The following ANKRD17 variants were observed in gnomAD, a reference collection of about 807,000 sequenced individuals.
ANKRD17 encodes ankyrin repeat domain-containing protein 17.
In ANKRD17, 19 loss-of-function variants were observed where a neutral mutation model predicts 229.7. The observed-to-expected ratio is 0.08, with a 90% CI of 0.06 to 0.12. ANKRD17 has a LOEUF of 0.12. ANKRD17 is among the 10% of genes least tolerant of loss of function. ANKRD17 has a pLI of 1.00. For missense variants in ANKRD17, 2,176 were observed against 3,176.8 expected, an observed-to-expected ratio of 0.68 and a Z score of 7.57; for synonymous variants, 1,112 against 1,146.1, an observed-to-expected ratio of 0.97 and a Z score of 0.60.
In ANKRD17 at chr4:73,092,181, G is replaced by A; in HGVS notation, c.5447C>T (p.Ser1816Phe). ...KNRLKSSSAN[S>F]KIGSSAPTTT... ...GGTAGGTGCTGATGACCCTATTTTGGAATTTGCTGAGGAGCTTTTCAAACG... is the reference window on the plus strand; with the variant it reads ...GGTAGGTGCTGATGACCCTATTTTGAAATTTGCTGAGGAGCTTTTCAAACG... Residue 1816 changes from serine to phenylalanine, a missense_variant, in exon 29 of 34, where the codon TCC (serine) becomes TTC (phenylalanine). Physicochemically the swap from Ser to Phe is radical, Grantham distance 155. Around this residue, in one of 18 missense-constraint regions of ANKRD17, gnomAD observed 142 missense variants for 200.4 expected, o/e 0.71. Coordinates refer to ENST00000358602, the MANE Select transcript of ANKRD17 (RefSeq NM_032217.5). 1 of 1,614,120 alleles carries A rather than the reference G, an allele frequency of 6.2e-7. No homozygotes were observed. The highest frequency in any genetic ancestry group is 8.5e-7 in the Non-Finnish European group (1 of 1,180,016).
chr4:73,109,277 G>A (rs1462910403), intron 24 of ANKRD17, among the ~76,000 whole-genome samples: 2 of 150,374 alleles, frequency 1.3e-5, no homozygotes, highest in Non-Finnish European at 3.0e-5. Context: ...TGCAGCATGG[G>A]TGACAGAGTG....
intron 1 of ANKRD17, among the ~76,000 whole-genome samples, chr4:73,256,695 A>C (rs905951383): frequency 6.6e-6 from 1 of 152,194 alleles, no homozygotes; most frequent in African/African-American, 2.4e-5. Context: ...AAGTACCATA[A>C]CAAATTTTAT....
chr4:73,156,317 C>A, intron 3 of ANKRD17, 151 bp from the exon 4 acceptor site: 1 of 919,798 alleles, frequency 1.1e-6, no homozygotes, highest in Non-Finnish European at 1.6e-6. Context: ...GCAATCAGCT[C>A]ACTGCAGCCT....
At chr4:73,214,562 C>T (rs1288992436) in intron 1 of ANKRD17, among the ~76,000 whole-genome samples, 5 of 151,704 alleles carry the variant, frequency 3.3e-5, no homozygotes, top group Admixed American at 6.6e-5. Flanking sequence ...TTCTTAACAT[C>T]GATCAAGGCC....
chr4:73,144,711 T>G (rs757291271), intron 11 of ANKRD17, 34 bp downstream of exon 11: 1 of 1,467,504 alleles, frequency 6.8e-7, no homozygotes, highest in Non-Finnish European at 9.2e-7. Context: ...GTAGATACCT[T>G]TCAAAAAAAG....
In ANKRD17 at chr4:73,154,973, G is replaced by A. The variant is rs1018812079; in HGVS notation, c.1000+658C>T. Among the ~76,000 whole-genome samples, 19 of 151,234 alleles carry A rather than the reference G, an allele frequency of 1.3e-4. No homozygotes were observed. The East Asian group carries it at 1.6e-3, about 12-fold the overall frequency. On this transcript the variant is annotated intron_variant, in intron 5 of 33. Transcript: ENST00000358602. The stretch of plus-strand genomic sequence containing the variant: ...GGAGAATGGCGTGAACCCGGGAGGC[G>A]GAGCTTGCAGTGAGCCGAGATCCCG...
At chr4:73,133,753 G>A (rs917525903) in intron 16 of ANKRD17, among the ~76,000 whole-genome samples, 3 of 151,916 alleles carry the variant, frequency 2.0e-5, no homozygotes, top group African/African-American at 7.3e-5. Flanking sequence ...TTTGGGGGAT[G>A]GTGGCACACC....
intron 1 of ANKRD17, among the ~76,000 whole-genome samples, chr4:73,181,448 G>A (rs1735528726): frequency 6.6e-6 from 1 of 152,078 alleles, no homozygotes; most frequent in Admixed American, 6.5e-5. Flanking sequence ...TTTAATTCCA[G>A]TTCCTCTTTT....
chr4:73,138,248 C>T (rs1010214955), intron 15 of ANKRD17, among the ~76,000 whole-genome samples: 1 of 152,014 alleles, frequency 6.6e-6, no homozygotes, highest in Non-Finnish European at 1.5e-5. Context: ...AAAAATTTTG[C>T]ACTCATCAAT....
At position 73,120,968 on chromosome 4, in the gene ANKRD17, A is replaced by G; in HGVS notation, c.3762T>C (p.Thr1254=). The G allele has an allele frequency of 6.2e-7, 1 of 1,613,782 alleles. No homozygotes were observed. The highest frequency in any genetic ancestry group is 1.1e-5 in the South Asian group (1 of 91,056). The change falls in exon 20 of 34, where the codon ACT becomes ACC. Residue 1254 remains threonine, a synonymous_variant. Coordinates refer to ENST00000358602, the MANE Select transcript of ANKRD17 (RefSeq NM_032217.5). ...CTTGGAAGCAGGCTAAAGTAAGGGC[A>G]GTGTTCCGATTGGTTTCTATCTGAG... ...INAQIETNRN[T]ALTLACFQGR...
At chr4:73,206,583 C>A (rs1450226339) in intron 1 of ANKRD17, among the ~76,000 whole-genome samples, 1 of 152,082 alleles carries the variant, frequency 6.6e-6, no homozygotes, top group Non-Finnish European at 1.5e-5. Context: ...AATGCAAGCA[C>A]TGCATGATGT....
At chr4:73,156,884 C>A (rs934536442) in intron 3 of ANKRD17, among the ~76,000 whole-genome samples, 1 of 152,012 alleles carries the variant, frequency 6.6e-6, no homozygotes, top group African/African-American at 2.4e-5. Flanking sequence ...AACATTAGTG[C>A]TCAACAAGGA....
rs574606098 is a variant in ANKRD17, at chr4:73,118,855, A to G, written c.4026-5T>C. 1.2e-6 allele frequency: 2 copies of G among 1,609,798 alleles called. No individual in the cohort carries two copies. Among genetic ancestry groups the G allele is most frequent in the Admixed American group, 3.4e-5 (2 of 59,198 alleles). ...CGTACATCAATATGAGCTCCCCTAA[A>G]AACCAATGACACAGATAGCATTGTC... On this transcript the variant is annotated splice_polypyrimidine_tract_variant and splice_region_variant and intron_variant, in intron 21 of 33. Coordinates refer to ENST00000358602, the MANE Select transcript of ANKRD17 (RefSeq NM_032217.5).
intron 2 of ANKRD17, among the ~76,000 whole-genome samples, chr4:73,167,909 T>C (rs1733442064): frequency 6.6e-6 from 1 of 152,050 alleles, no homozygotes; most frequent in South Asian, 2.1e-4. Flanking sequence ...TCCCAGCACT[T>C]TGGGAGGCTG....
chr4:73,089,045 A>AT (rs200390909), intron 29 of ANKRD17, among the ~76,000 whole-genome samples: 2,921 of 143,630 alleles, frequency 0.02, 56 homozygotes, highest in South Asian at 0.047. Context: ...TTCTTTTTAA[A>AT]TTTTTTTTTT....
chr4:73,151,412 A>G lies in ANKRD17; in HGVS notation c.1329+18T>C. The G allele has an allele frequency of 6.2e-7, 1 of 1,607,864 alleles. No homozygotes were observed. The highest frequency in any genetic ancestry group is 1.1e-5 in the South Asian group (1 of 90,316). ...TGGTTAATATATAAACATATTTGAC[A>G]TATTTCACCAATCTTACCATGCAAG... On this transcript the variant is annotated intron_variant, in intron 7 of 33. Coordinates refer to ENST00000358602, the MANE Select transcript of ANKRD17 (RefSeq NM_032217.5).
At chr4:73,143,380 T>C (rs1048075619) in intron 11 of ANKRD17, among the ~76,000 whole-genome samples, 1 of 152,200 alleles carries the variant, frequency 6.6e-6, no homozygotes, top group Non-Finnish European at 1.5e-5. Flanking sequence ...TCCTCCCACC[T>C]TGGCCTGCCA....
At chr4:73,092,685 C>G (rs1265453857) in intron 28 of ANKRD17, among the ~76,000 whole-genome samples, 1 of 152,016 alleles carries the variant, frequency 6.6e-6, no homozygotes, top group Non-Finnish European at 1.5e-5. Context: ...AACATTTAAT[C>G]CTAAAAATAT....
At chr4:73,140,341 T>G in intron 14 of ANKRD17, 58 bp from the exon 15 acceptor site, 1 of 1,513,234 alleles carries the variant, frequency 6.6e-7, no homozygotes, top group Non-Finnish European at 8.8e-7. Flanking sequence ...CATTACAGAG[T>G]TACTGTTGGG....
Sources: allele counts gnomAD v4.1 joint callset (sites outside exome capture counted in the v4.1 genomes callset), GRCh38; gene constraint gnomAD v4.1.1; regional missense constraint gnomAD v4.1.1; transcripts MANE v1.5; gene names NCBI Gene and HGNC (gene_info 2026-07-23, HGNC 2026-07-21).